POM121C: variants seen among roughly 807,000 people sequenced by gnomAD.
POM121C encodes POM121 transmembrane nucleoporin C.
POM121C carries 20 observed loss-of-function variants against 66.4 expected under a neutral mutation model. That is an observed-to-expected ratio of 0.30 (90% confidence interval 0.21 to 0.44). The LOEUF (loss-of-function observed/expected upper bound fraction) is 0.44, where lower values mean the gene tolerates loss of function less well. Ranked by LOEUF, POM121C falls within the 20% of genes least tolerant of loss-of-function variation. The pLI, the probability that POM121C is intolerant of heterozygous loss-of-function variation, is 1.00. For synonymous variants in POM121C, 286 were observed against 528.0 expected, an observed-to-expected ratio of 0.54 and a Z score of 6.28; for missense variants, 580 against 1,225.7, an observed-to-expected ratio of 0.47 and a Z score of 7.87.
intron 3 of POM121C, among the ~76,000 whole-genome samples, 164 bp from the exon 4 acceptor site, chr7:75,441,811 A>G (rs1790660550): frequency 6.6e-6 from 1 of 152,068 alleles, no homozygotes. Context: ...TATTCCATCT[A>G]AGAGCAGAGA....
intron 1 of POM121C, chr7:75,484,327 A>C: frequency 1.1e-6 from 1 of 909,604 alleles, no homozygotes. Context: ...CACCTGCATA[A>C]GAACCGCAAA....
At chr7:75,451,032 CACAA>C (rs1453826491) in intron 3 of POM121C, among the ~76,000 whole-genome samples, 4 of 152,074 alleles carry the variant, frequency 2.6e-5, no homozygotes, top group African/African-American at 4.8e-5. Context: ...TAAGAGAGTA[CACAA>C]ACAAATGGAA....
At position 75,421,885 on chromosome 7, in the gene POM121C, G is replaced by A. The variant is rs782599093; in HGVS notation, c.2367C>T (p.Ser789=). Residue 789 remains serine, a synonymous_variant, in exon 13 of 15, where the codon AGC becomes AGT. Coordinates refer to ENST00000615331, the MANE Select transcript of POM121C (RefSeq NM_001099415.3). ...TGGAGCCGCCAAAGGCGGGCTGTGA[G>A]CTGGCGGGAGCGCCGAAGGCGGAAG... ...ATASAFGAPA[S]SQPAFGGSTA... 12 of 1,612,174 alleles carry A rather than the reference G, an allele frequency of 7.4e-6. No individual in the cohort carries two copies. The Admixed American group carries it at 2.0e-4, about 27-fold the overall frequency.
At chr7:75,483,427 A>G (rs1473061544) in intron 1 of POM121C, among the ~76,000 whole-genome samples, 3 of 151,974 alleles carry the variant, frequency 2.0e-5, no homozygotes, top group South Asian at 2.1e-4. Flanking sequence ...GTAATCCCCA[A>G]TGTTCCCTCT....
chr7:75,463,881 G>A (rs1554477393), intron 3 of POM121C, among the ~76,000 whole-genome samples: 1 of 151,588 alleles, frequency 6.6e-6, no homozygotes, highest in South Asian at 2.1e-4. Flanking sequence ...TAGTAGAGAT[G>A]GGATTTCACC....
At chr7:75,485,043 C>T (rs1253350009) in intron 1 of POM121C, among the ~76,000 whole-genome samples, 2 of 151,880 alleles carry the variant, frequency 1.3e-5, no homozygotes, top group Non-Finnish European at 2.9e-5. Context: ...CAGGGTGTCC[C>T]CATGTTGTCT....
At chr7:75,435,125 G>A (rs1201418520) in intron 7 of POM121C, among the ~76,000 whole-genome samples, 1 of 152,152 alleles carries the variant, frequency 6.6e-6, no homozygotes, top group Non-Finnish European at 1.5e-5. Context: ...ATGAACAAAT[G>A]TATTCTTTGC....
intron 5 of POM121C, among the ~76,000 whole-genome samples, chr7:75,440,043 G>A (rs56074652): frequency 0.16 from 23,899 of 151,008 alleles, 2,348 homozygotes; most frequent in African/African-American, 0.28. Context: ...ACCACATCCA[G>A]CTAATTTTTG....
intron 3 of POM121C, chr7:75,442,272 C>A: frequency 6.9e-7 from 1 of 1,451,646 alleles, no homozygotes; most frequent in Non-Finnish European, 9.0e-7. Flanking sequence ...GGGCGGCGGC[C>A]AGGCCTATTC....
intron 1 of POM121C, chr7:75,484,076 T>A (rs587742565): frequency 1.3e-6 from 1 of 774,070 alleles, no homozygotes; most frequent in African/African-American, 1.8e-5. Flanking sequence ...CACTGCAGCC[T>A]GGGCAACAGA....
At chr7:75,453,273 G>GT (rs1480955682) in intron 3 of POM121C, among the ~76,000 whole-genome samples, 1 of 115,860 alleles carries the variant, frequency 8.6e-6, no homozygotes, top group Non-Finnish European at 1.8e-5. Flanking sequence ...TCTACAAAAA[G>GT]TTAAAAAAAA....
chr7:75,456,336 C>T (rs3869227), intron 3 of POM121C, among the ~76,000 whole-genome samples: 1 of 152,276 alleles, frequency 6.6e-6, no homozygotes, highest in African/African-American at 2.4e-5. Context: ...GAGGCTGAGG[C>T]TATGTCAAAA....
intron 3 of POM121C, among the ~76,000 whole-genome samples, chr7:75,448,552 A>G (rs1790912552): frequency 7.2e-6 from 1 of 139,646 alleles, no homozygotes; most frequent in African/African-American, 2.7e-5. Context: ...CTATAATCCC[A>G]GCACTTTGGG....
In POM121C at chr7:75,461,135, G is replaced by C. The variant is rs182898961; in HGVS notation, c.-152+13569C>G. Reference sequence around the variant, plus strand: ...CAACAAGCAAAACCCAGCAATCCCAGGTGACTGAGAGAATCACATTTTGAG... The same window carrying C: ...CAACAAGCAAAACCCAGCAATCCCACGTGACTGAGAGAATCACATTTTGAG... On this transcript the variant is annotated intron_variant, in intron 3 of 14. Transcript: ENST00000615331. Among the ~76,000 whole-genome samples the C allele has an allele frequency of 3.2e-4, 48 of 152,070 alleles. No homozygotes were observed. In the East Asian group the frequency reaches 7.9e-3, roughly 25 times the overall value.
chr7:75,432,462 A>G (rs1483220011), intron 7 of POM121C, among the ~76,000 whole-genome samples: 1 of 152,206 alleles, frequency 6.6e-6, no homozygotes, highest in Non-Finnish European at 1.5e-5. Flanking sequence ...ACACCAAAGA[A>G]TGCATACTCT....
At chr7:75,457,955 A>G (rs1483951623) in intron 3 of POM121C, among the ~76,000 whole-genome samples, 2 of 152,286 alleles carry the variant, frequency 1.3e-5, no homozygotes, top group Non-Finnish European at 2.9e-5. Context: ...GAAGGAAGGG[A>G]AGGAAAGTAC....
chr7:75,433,018 G>A (rs1290905821), intron 7 of POM121C, among the ~76,000 whole-genome samples: 1 of 151,970 alleles, frequency 6.6e-6, no homozygotes, highest in African/African-American at 2.4e-5. Flanking sequence ...GTGGAATCAC[G>A]AGGTGAAGAG....
intron 3 of POM121C, among the ~76,000 whole-genome samples, chr7:75,455,944 C>T (rs1385507592): frequency 2.0e-5 from 3 of 152,122 alleles, no homozygotes; most frequent in African/African-American, 7.2e-5. Context: ...TGAGGAAAAA[C>T]TTCATCCAGG....
intron 1 of POM121C, among the ~76,000 whole-genome samples, chr7:75,480,865 G>C (rs1792280542): frequency 6.6e-6 from 1 of 151,818 alleles, no homozygotes; most frequent in South Asian, 2.1e-4. Context: ...ACTGGAAAAT[G>C]AACTATAGTT....
Sources: allele counts gnomAD v4.1 joint callset (sites outside exome capture counted in the v4.1 genomes callset), GRCh38; gene constraint gnomAD v4.1.1; transcripts MANE v1.5; gene names NCBI Gene and HGNC (gene_info 2026-07-23, HGNC 2026-07-21).